The following SMC5 variants were observed in gnomAD, a reference collection of about 807,000 sequenced individuals.
SMC5 encodes structural maintenance of chromosomes protein 5.
SMC5 carries 88 observed loss-of-function variants against 148.3 expected under a neutral mutation model. The ratio of observed to expected loss-of-function variants is 0.59; its 90% CI spans 0.50 to 0.71. The LOEUF is 0.71. SMC5 is among the 30% of genes least tolerant of loss of function. The pLI is 0.00. For missense variants in SMC5, 1,142 were observed against 1,298.9 expected (o/e 0.88, Z 1.86); for synonymous variants, 421 against 432.8 (o/e 0.97, Z 0.34).
chr9:70,329,228 C>T (rs1472544471), intron 17 of SMC5, among the ~76,000 whole-genome samples: 1 of 152,234 alleles, frequency 6.6e-6, no homozygotes, highest in Non-Finnish European at 1.5e-5. Flanking sequence ...TGAATTCCTT[C>T]TCCGGGAAAT....
intron 18 of SMC5, 119 bp downstream of exon 18, chr9:70,344,388 T>C: frequency 3.7e-6 from 2 of 541,384 alleles, no homozygotes. Flanking sequence ...ATAGGGAGTT[T>C]TTCCACATTT....
At chr9:70,272,747 G>A (rs534905139) in intron 3 of SMC5, among the ~76,000 whole-genome samples, 7 of 152,244 alleles carry the variant, frequency 4.6e-5, no homozygotes, top group Admixed American at 1.3e-4. Context: ...ACAGTGCACC[G>A]TTTAGAGATT....
chr9:70,339,596 T>A (rs1004751013), intron 17 of SMC5, among the ~76,000 whole-genome samples: 2 of 152,234 alleles, frequency 1.3e-5, no homozygotes, highest in African/African-American at 4.8e-5. Context: ...GCAGCTTCAC[T>A]TGAACCAAAG....
At chr9:70,293,339 A>AC (rs1315039747) in intron 8 of SMC5, among the ~76,000 whole-genome samples, 1 of 106,466 alleles carries the variant, frequency 9.4e-6, no homozygotes, top group South Asian at 3.5e-4. Flanking sequence ...CCTCTCCCCC[A>AC]CCCCCCTACT....
At chr9:70,310,435 A>G (rs923374030) in intron 11 of SMC5, among the ~76,000 whole-genome samples, 3 of 152,212 alleles carry the variant, frequency 2.0e-5, no homozygotes, top group Admixed American at 6.5e-5. Flanking sequence ...GTAGGTCTCA[A>G]CAGTGGGCTT....
intron 3 of SMC5, among the ~76,000 whole-genome samples, chr9:70,273,049 G>C (rs150364125): frequency 6.6e-6 from 1 of 152,046 alleles, no homozygotes; most frequent in East Asian, 1.9e-4. Flanking sequence ...TGCTAGATGG[G>C]TTTTCTAGTA....
intron 9 of SMC5, among the ~76,000 whole-genome samples, chr9:70,299,278 G>A (rs867218104): frequency 6.6e-6 from 1 of 151,784 alleles, no homozygotes; most frequent in South Asian, 2.1e-4. Context: ...GAACCAAGTT[G>A]TGCATTATAA....
chr9:70,323,050 C>T (rs1185543561), intron 15 of SMC5, among the ~76,000 whole-genome samples: 1 of 152,168 alleles, frequency 6.6e-6, no homozygotes, highest in Non-Finnish European at 1.5e-5. Flanking sequence ...TGCTTCCATC[C>T]TTTGTTCTTT....
chr9:70,281,079 C>T (rs1304948491), intron 6 of SMC5, among the ~76,000 whole-genome samples, 180 bp downstream of exon 6: 2 of 151,678 alleles, frequency 1.3e-5, no homozygotes, highest in Admixed American at 1.3e-4. Flanking sequence ...GCTGTGTCTC[C>T]CATGCTGGAG....
chr9:70,287,881 C>T (rs1268038658), intron 8 of SMC5, among the ~76,000 whole-genome samples: 2 of 152,104 alleles, frequency 1.3e-5, no homozygotes, highest in African/African-American at 2.4e-5. Flanking sequence ...TTCTTCACAT[C>T]CCTTTCTTTT....
At chr9:70,321,149 G>A (rs2035934002) in intron 15 of SMC5, among the ~76,000 whole-genome samples, 1 of 152,212 alleles carries the variant, frequency 6.6e-6, no homozygotes, top group Non-Finnish European at 1.5e-5. Context: ...TGAATGGTAG[G>A]AGAGGAGAGG....
chr9:70,270,803 C>T (rs2034428147), intron 3 of SMC5, among the ~76,000 whole-genome samples: 1 of 151,916 alleles, frequency 6.6e-6, no homozygotes, highest in Non-Finnish European at 1.5e-5. Context: ...CCCACCACCA[C>T]ACCTGGCTAA....
intron 2 of SMC5, among the ~76,000 whole-genome samples, chr9:70,266,979 T>G (rs2034307765): frequency 6.6e-6 from 1 of 152,054 alleles, no homozygotes; most frequent in African/African-American, 2.4e-5. Context: ...ATAGTAGATG[T>G]TAAAACCTGT....
rs188604203 is a variant in SMC5 at position 70,309,496 on chromosome 9, C to T, written c.1578+4136C>T. On this transcript the variant is annotated intron_variant, in intron 11 of 24. Transcript: ENST00000361138. ...TTCAAACCCTGCCTCTACTTTATCACCTAAATTTATGTCATATTCTAAATC... is the reference window on the plus strand; with the variant it reads ...TTCAAACCCTGCCTCTACTTTATCATCTAAATTTATGTCATATTCTAAATC... Among the ~76,000 whole-genome samples, 522 of 151,982 alleles carry T rather than the reference C, an allele frequency of 3.4e-3. 3 individuals carry two copies. The highest frequency in any genetic ancestry group is 5.8e-3 in the Non-Finnish European group (395 of 67,978).
chr9:70,344,061 A>T, intron 17 of SMC5, 83 bp from the exon 18 acceptor site: 1 of 762,096 alleles, frequency 1.3e-6, no homozygotes, highest in Non-Finnish European at 1.9e-6. Flanking sequence ...GAATTCAACA[A>T]TATTTAATAT....
chr9:70,314,002 C>G (rs1318784166), intron 11 of SMC5, among the ~76,000 whole-genome samples: 1 of 152,196 alleles, frequency 6.6e-6, no homozygotes, highest in African/African-American at 2.4e-5. Context: ...TAGCCTTCCA[C>G]TTGTTGCTTT....
chr9:70,285,107 G>C (rs569106837), intron 7 of SMC5, among the ~76,000 whole-genome samples: 1 of 152,152 alleles, frequency 6.6e-6, no homozygotes, highest in Non-Finnish European at 1.5e-5. Flanking sequence ...ACATACATCA[G>C]TGTTACTAGC....
chr9:70,260,470 C>T (rs929305861), intron 1 of SMC5, among the ~76,000 whole-genome samples: 8 of 152,114 alleles, frequency 5.3e-5, no homozygotes, highest in African/African-American at 1.9e-4. Context: ...AACAATACTA[C>T]CTTTTTTTTT....
chr9:70,350,306 T>A lies in SMC5; in HGVS notation c.3069+13T>A, dbSNP rs1341902169. ...TGAAATCAATCAGGTATGGTGATTGTTCTGTTACTTGGATCTTCTTATATC... is the reference window on the plus strand; with the variant it reads ...TGAAATCAATCAGGTATGGTGATTGATCTGTTACTTGGATCTTCTTATATC... On this transcript the variant is annotated intron_variant, in intron 23 of 24. Coordinates refer to ENST00000361138, the MANE Select transcript of SMC5 (RefSeq NM_015110.4). 1 of 1,611,672 alleles carries A rather than the reference T, an allele frequency of 6.2e-7. No individual in the cohort carries two copies. The highest frequency in any genetic ancestry group is 1.3e-5 in the African/African-American group (1 of 74,850).
Sources: allele counts gnomAD v4.1 joint callset (sites outside exome capture counted in the v4.1 genomes callset), GRCh38; gene constraint gnomAD v4.1.1; transcripts MANE v1.5; gene names NCBI Gene and HGNC (gene_info 2026-07-23, HGNC 2026-07-21).